The following ZNF722 variants were observed in gnomAD, a reference collection of about 807,000 sequenced individuals.
The protein encoded by ZNF722 is zinc finger protein 479 pseudogene.
At chr7:64,003,693 G>T in the ZNF722 span, among the ~76,000 whole-genome samples, 6 of 152,150 alleles carry the variant, frequency 3.9e-5, no homozygotes, top group African/African-American at 1.4e-4. Context: ...ATATGCCATG[G>T]TGTTCTATAC....
At chr7:64,000,436 C>CTTTTTTTTTTTTTTTTTT in the ZNF722 span, among the ~76,000 whole-genome samples, 1 of 23,690 alleles carries the variant, frequency 4.2e-5, no homozygotes, top group Non-Finnish European at 6.9e-5. Context: ...CATGCCCGGC[C>CTTTTTTTTTTTTTTTTTT]TTTTTTTTTT....
the ZNF722 span, among the ~76,000 whole-genome samples, chr7:64,016,787 C>CA: frequency 6.6e-6 from 1 of 152,082 alleles, no homozygotes; most frequent in Non-Finnish European, 1.5e-5. Flanking sequence ...AAAAATGTGA[C>CA]AGAGCATTTA....
At chr7:64,000,128 T>TGTGTG in the ZNF722 span, among the ~76,000 whole-genome samples, 99 of 89,478 alleles carry the variant, frequency 1.1e-3, no homozygotes, top group East Asian at 5.9e-3. Flanking sequence ...ACTTTTTTTT[T>TGTGTG]TTTTTGTGTG....
chr7:64,001,095 C>T, the ZNF722 span, among the ~76,000 whole-genome samples: 1 of 151,980 alleles, frequency 6.6e-6, no homozygotes, highest in Non-Finnish European at 1.5e-5. Context: ...TTTCTTTTAC[C>T]TTTTATTTTA....
the ZNF722 span, among the ~76,000 whole-genome samples, chr7:64,004,425 A>AAAAATATATATATATATATATATATAT: frequency 1.6e-5 from 1 of 61,118 alleles, no homozygotes; most frequent in African/African-American, 8.0e-5. Flanking sequence ...AAAAAAAAAA[A>AAAAATATATATATATATATATATATAT]ATATATATAT....
chr7:64,015,584 A>G, the ZNF722 span: 18 of 1,613,822 alleles, frequency 1.1e-5, no homozygotes, highest in Non-Finnish European at 1.5e-5. Flanking sequence ...CATGTGAAGA[A>G]TGTGGCCAAG....
the ZNF722 span, chr7:64,006,426 G>A: frequency 9.2e-6 from 7 of 763,130 alleles, no homozygotes; most frequent in South Asian, 1.0e-4. Flanking sequence ...GATGGAAAGA[G>A]TTTCTGAGAG....
chr7:64,001,520 T>C, the ZNF722 span, among the ~76,000 whole-genome samples: 2 of 152,310 alleles, frequency 1.3e-5, no homozygotes, highest in African/African-American at 4.8e-5. Context: ...TTATTTCTGG[T>C]TCTTGCTATT....
the ZNF722 span, among the ~76,000 whole-genome samples, chr7:64,011,995 T>G: frequency 6.6e-6 from 1 of 151,962 alleles, no homozygotes; most frequent in Admixed American, 6.6e-5. Flanking sequence ...TCATTTCACT[T>G]CTCTTCTCAC....
the ZNF722 span, chr7:64,016,122 AC>A: frequency 4.2e-6 from 2 of 480,342 alleles, no homozygotes; most frequent in East Asian, 6.7e-5. Flanking sequence ...ACCTTAATGA[AC>A]CCAAGAGAAT....
chr7:63,999,596 C>G, the ZNF722 span, among the ~76,000 whole-genome samples: 1 of 152,128 alleles, frequency 6.6e-6, no homozygotes, highest in Non-Finnish European at 1.5e-5. Flanking sequence ...TTGTAAGATC[C>G]AGGTGAAAAT....
chr7:64,002,940 G>A, the ZNF722 span, among the ~76,000 whole-genome samples: 7 of 152,242 alleles, frequency 4.6e-5, no homozygotes, highest in South Asian at 1.0e-3. Flanking sequence ...GCTTTCTCTC[G>A]CTAATGCTAA....
chr7:64,012,991 T>C, the ZNF722 span, among the ~76,000 whole-genome samples: 2,762 of 152,230 alleles, frequency 0.018, 167 homozygotes, highest in East Asian at 0.18. Context: ...TTTTTTGACT[T>C]CCACTGTAAT....
chr7:64,005,757 C>G, the ZNF722 span: 1 of 1,511,216 alleles, frequency 6.6e-7, no homozygotes, highest in Non-Finnish European at 9.0e-7. Flanking sequence ...AACTTCAATA[C>G]ACAATTCCTA....
At chr7:64,012,057 T>G in the ZNF722 span, among the ~76,000 whole-genome samples, 17 of 152,318 alleles carry the variant, frequency 1.1e-4, no homozygotes, top group Non-Finnish European at 2.2e-4. Context: ...TTTCACTTGA[T>G]TGAATCGGCT....
At chr7:64,006,377 C>A in the ZNF722 span, 1 of 1,102,734 alleles carries the variant, frequency 9.1e-7, no homozygotes, top group Non-Finnish European at 1.3e-6. Context: ...ATCAACAAGG[C>A]AGCCAGTCCT....
At chr7:64,016,809 A>G in the ZNF722 span, among the ~76,000 whole-genome samples, 2 of 152,186 alleles carry the variant, frequency 1.3e-5, no homozygotes, top group Non-Finnish European at 2.9e-5. Flanking sequence ...CCATACCTCA[A>G]ACTTTTCTAA....
the ZNF722 span, among the ~76,000 whole-genome samples, chr7:64,013,329 A>G: frequency 1.3e-5 from 2 of 152,128 alleles, no homozygotes; most frequent in African/African-American, 4.8e-5. Flanking sequence ...ATGCCTATAC[A>G]TATAGATAGA....
chr7:64,016,003 G>A, the ZNF722 span: 1 of 901,916 alleles, frequency 1.1e-6, no homozygotes, highest in South Asian at 1.8e-5. Context: ...AGAGAATATG[G>A]ACAAACCTTT....
Sources: allele counts gnomAD v4.1 joint callset (sites outside exome capture counted in the v4.1 genomes callset), GRCh38; gene constraint gnomAD v4.1.1; transcripts MANE v1.5; gene names NCBI Gene and HGNC (gene_info 2026-07-23, HGNC 2026-07-21).